Variants in RASSF5 observed in about 807,000 individuals in gnomAD.
The protein encoded by RASSF5 is Ras association domain family member 5.
RASSF5 carries 25 observed loss-of-function variants against 40.5 expected under a neutral mutation model. The observed-to-expected ratio is 0.62, with a 90% CI of 0.45 to 0.86. The LOEUF (loss-of-function observed/expected upper bound fraction) is 0.86. Ranked by LOEUF, RASSF5 falls within the 40% of genes least tolerant of loss-of-function variation. RASSF5 has a pLI of 0.00. For synonymous variants in RASSF5, 246 were observed against 252.4 expected (o/e 0.97, Z 0.24); for missense variants, 521 against 572.8 (o/e 0.91, Z 0.92).
intron 2 of RASSF5, among the ~76,000 whole-genome samples, chr1:206,565,520 G>A (rs559156561): frequency 6.6e-6 from 1 of 152,318 alleles, no homozygotes; most frequent in African/African-American, 2.4e-5. Flanking sequence ...ACAGGTGGGG[G>A]ACATAAAGAT....
intron 2 of RASSF5, among the ~76,000 whole-genome samples, chr1:206,570,731 T>C (rs1229629594): frequency 1.3e-5 from 2 of 152,138 alleles, no homozygotes; most frequent in African/African-American, 4.8e-5. Flanking sequence ...GTGTCAGAAT[T>C]TCCTTCCCTT....
chr1:206,532,053 A>G (rs540261960), intron 1 of RASSF5, among the ~76,000 whole-genome samples: 2 of 97,906 alleles, frequency 2.0e-5, no homozygotes, highest in African/African-American at 9.1e-5. Context: ...CTCTGTCTCA[A>G]AAAAGAAAAA....
intron 2 of RASSF5, among the ~76,000 whole-genome samples, chr1:206,541,196 T>A (rs1667537931): frequency 6.6e-6 from 1 of 152,202 alleles, no homozygotes; most frequent in Non-Finnish European, 1.5e-5. Flanking sequence ...CGCCCGGCCC[T>A]CTCTGCTCTT....
intron 2 of RASSF5, among the ~76,000 whole-genome samples, chr1:206,551,179 A>G (rs1331399625): frequency 6.6e-6 from 1 of 152,096 alleles, no homozygotes; most frequent in African/African-American, 2.4e-5. Flanking sequence ...AGCAGAATAC[A>G]TTAGACCCCA....
intron 2 of RASSF5, among the ~76,000 whole-genome samples, chr1:206,557,925 T>G (rs1668035545): frequency 6.6e-6 from 1 of 152,116 alleles, no homozygotes; most frequent in South Asian, 2.1e-4. Flanking sequence ...TCAAAATGGC[T>G]CTCCAGAATG....
At chr1:206,517,622 C>A (rs1666784756) in intron 1 of RASSF5, among the ~76,000 whole-genome samples, 1 of 152,208 alleles carries the variant, frequency 6.6e-6, no homozygotes, top group Non-Finnish European at 1.5e-5. Flanking sequence ...CTGTCTGGTG[C>A]CAGTCTTCTG....
chr1:206,561,663 CT>C (rs61094454), intron 2 of RASSF5, among the ~76,000 whole-genome samples: 29,265 of 117,904 alleles, frequency 0.25, 2,588 homozygotes, highest in East Asian at 0.43. Flanking sequence ...TTTTCTTTTT[CT>C]TTTTTTTTTT....
At chr1:206,559,613 T>A (rs1393333798) in intron 2 of RASSF5, among the ~76,000 whole-genome samples, 1 of 152,228 alleles carries the variant, frequency 6.6e-6, no homozygotes, top group African/African-American at 2.4e-5. Context: ...TCTTGAGGCC[T>A]CTGTATATCT....
At chr1:206,543,755 T>A (rs1475985109) in intron 2 of RASSF5, 1 of 152,154 alleles carries the variant, frequency 6.6e-6, no homozygotes, top group Non-Finnish European at 1.5e-5. Flanking sequence ...CCTAATGTCA[T>A]TTTTTATTTT....
chr1:206,571,924 T>C (rs1053604204), intron 2 of RASSF5, among the ~76,000 whole-genome samples: 1 of 152,176 alleles, frequency 6.6e-6, no homozygotes, highest in African/African-American at 2.4e-5. Context: ...TCTCAGAAGA[T>C]TGAGTGTCAC....
At chr1:206,555,420 G>A (rs1667952312) in intron 2 of RASSF5, among the ~76,000 whole-genome samples, 1 of 151,652 alleles carries the variant, frequency 6.6e-6, no homozygotes, top group African/African-American at 2.4e-5. Context: ...TTCTTTTTAT[G>A]AAGAAAAGCA....
At chr1:206,566,795 G>A (rs1437947010) in intron 2 of RASSF5, among the ~76,000 whole-genome samples, 1 of 152,092 alleles carries the variant, frequency 6.6e-6, no homozygotes, top group African/African-American at 2.4e-5. Context: ...CAAACACCTC[G>A]CCGCTCTTTC....
chr1:206,547,202 C>A (rs999839872), intron 2 of RASSF5, among the ~76,000 whole-genome samples: 2 of 152,142 alleles, frequency 1.3e-5, no homozygotes, highest in Non-Finnish European at 2.9e-5. Context: ...CATTCTTGTC[C>A]TGTATTTTAT....
intron 1 of RASSF5, among the ~76,000 whole-genome samples, chr1:206,523,611 T>G (rs868987521): frequency 3.0e-4 from 31 of 103,008 alleles, no homozygotes; most frequent in African/African-American, 1.0e-3. Context: ...ATATTTTATA[T>G]ATATATAAAA....
chr1:206,525,985 G>C (rs1466855855), intron 1 of RASSF5, among the ~76,000 whole-genome samples: 1 of 152,076 alleles, frequency 6.6e-6, no homozygotes, highest in Non-Finnish European at 1.5e-5. Flanking sequence ...CACCCCACCT[G>C]TCCAGCACTT....
At chr1:206,569,488 G>C (rs1455174646) in intron 2 of RASSF5, among the ~76,000 whole-genome samples, 2 of 152,204 alleles carry the variant, frequency 1.3e-5, no homozygotes, top group Non-Finnish European at 2.9e-5. Flanking sequence ...TCCTAGATCT[G>C]GACAAGGGAA....
intron 5 of RASSF5, 97 bp from the exon 6 acceptor site, chr1:206,586,729 C>A: frequency 2.2e-6 from 2 of 922,230 alleles, no homozygotes; most frequent in Non-Finnish European, 3.4e-6. Flanking sequence ...CGGATGTGAA[C>A]TGGGAAGGGG....
chr1:206,538,091 A>G (rs1198054794), intron 1 of RASSF5, 81 bp from the exon 2 acceptor site: 10 of 1,588,168 alleles, frequency 6.3e-6, no homozygotes, highest in Middle Eastern at 1.7e-4. Context: ...AACTAATGCA[A>G]TCTCCAAGGT....
At chr1:206,539,264 G>A (rs144576071) in intron 2 of RASSF5, among the ~76,000 whole-genome samples, 2 of 152,314 alleles carry the variant, frequency 1.3e-5, no homozygotes, top group East Asian at 1.9e-4. Flanking sequence ...CTACACATCC[G>A]GTGCTTACAG....
Sources: gnomAD v4.1 joint callset for allele counts (sites outside exome capture counted in the v4.1 genomes callset) on GRCh38, gnomAD v4.1.1 for gene constraint, MANE v1.5 for transcripts, NCBI Gene and HGNC (gene_info 2026-07-23, HGNC 2026-07-21) for gene names.